Variants in MYL4 observed in about 807,000 individuals in gnomAD.
The protein encoded by MYL4 is myosin light chain 4, also known as atrial myosin light chain 1.
In MYL4, 16 loss-of-function variants were observed where a neutral mutation model predicts 21.6. The ratio of observed to expected loss-of-function variants is 0.74; its 90% CI spans 0.50 to 1.12. The LOEUF is 1.12. MYL4 is among the 50% of genes most tolerant of loss of function. MYL4 has a pLI of 0.00. For missense variants in MYL4, 249 were observed against 252.9 expected (o/e 0.98, Z 0.11); for synonymous variants, 82 against 95.7 (o/e 0.86, Z 0.83).
upstream of MYL4, among the ~76,000 whole-genome samples, chr17:47,205,153 A>G (rs2064722815): frequency 6.6e-6 from 1 of 152,202 alleles, no homozygotes; most frequent in Non-Finnish European, 1.5e-5. Context: ...CATCTGATGT[A>G]AACCGGTTGG....
At chr17:47,196,862 T>C (rs187289269), upstream of MYL4, among the ~76,000 whole-genome samples, 2 of 152,236 alleles carry the variant, frequency 1.3e-5, no homozygotes, top group Admixed American at 1.3e-4. Flanking sequence ...TGCACAAATA[T>C]TATAAAATAT....
chr17:47,195,420 G>A, the MYL4 span, among the ~76,000 whole-genome samples: 1 of 152,012 alleles, frequency 6.6e-6, no homozygotes, highest in Admixed American at 6.6e-5. Flanking sequence ...GTAGAGACGG[G>A]GTGTCTCCAT....
the MYL4 span, among the ~76,000 whole-genome samples, chr17:47,193,354 G>A: frequency 3.3e-5 from 5 of 151,676 alleles, no homozygotes; most frequent in Non-Finnish European, 7.4e-5. Context: ...TGCAGCCTCC[G>A]TCTCCTGGGT....
chr17:47,213,935 G>A (rs1187909576), intron 2 of MYL4, 109 bp downstream of exon 2: 1 of 1,293,010 alleles, frequency 7.7e-7, no homozygotes, highest in Non-Finnish European at 1.1e-6. Context: ...AGTAATCACT[G>A]TCATCATCAT....
intron 2 of MYL4, among the ~76,000 whole-genome samples, chr17:47,216,714 GAC>G (rs2064817732): frequency 7.3e-6 from 1 of 137,300 alleles, no homozygotes; most frequent in African/African-American, 2.8e-5. Flanking sequence ...TTTTTTTTGA[GAC>G]AGAGTTTTGC....
chr17:47,223,312 C>G lies in MYL4; in HGVS notation c.*16-197C>G, dbSNP rs993812483. The G allele has an allele frequency of 1.4e-4, 69 of 486,600 alleles. 2 individuals are homozygous for G. The highest frequency in any genetic ancestry group is 2.4e-4 in the Non-Finnish European group (67 of 274,164). 30.1% of individuals were successfully genotyped at this position (486,600 alleles called of 1,614,324 possible). A position where few individuals can be genotyped will look rare whatever the true frequency, so the allele number is the denominator to read the frequency against. On this transcript the variant is annotated intron_variant, in intron 6 of 6. Coordinates refer to ENST00000393450, the MANE Select transcript of MYL4 (RefSeq NM_002476.2). ...ATCTCTCAAGGCAATGCCCTTCCCT[C>G]AGGCCTGGGGCCTCCTGTACAGGCT...
At chr17:47,225,702 G>A (rs2064882480), downstream of MYL4, among the ~76,000 whole-genome samples, 1 of 152,220 alleles carries the variant, frequency 6.6e-6, no homozygotes, top group South Asian at 2.1e-4. Flanking sequence ...TGTTTTCCAA[G>A]CTTGGCTCTT....
chr17:47,194,620 A>C, the MYL4 span, among the ~76,000 whole-genome samples: 1 of 152,114 alleles, frequency 6.6e-6, no homozygotes, highest in Non-Finnish European at 1.5e-5. Flanking sequence ...ACCTCCAAAA[A>C]TAAGTCTGAT....
chr17:47,220,143 C>T (rs2036534937), intron 3 of MYL4, 90 bp downstream of exon 3: 2 of 1,428,808 alleles, frequency 1.4e-6, no homozygotes, highest in Non-Finnish European at 9.3e-7. Context: ...GCCATCTGCA[C>T]TCTCTCTTCT....
chr17:47,217,350 C>T (rs940548184), intron 2 of MYL4, among the ~76,000 whole-genome samples: 13 of 151,370 alleles, frequency 8.6e-5, no homozygotes, highest in South Asian at 4.2e-4. Context: ...CCCAGCTACT[C>T]GAGAGGCTGA....
chr17:47,222,897 A>C, intron 5 of MYL4, 117 bp from the exon 6 acceptor site: 2 of 1,267,554 alleles, frequency 1.6e-6, no homozygotes, highest in Admixed American at 3.5e-5. Flanking sequence ...GGAACTACAC[A>C]GTCTGGAGAA....
intron 2 of MYL4, among the ~76,000 whole-genome samples, chr17:47,218,053 A>AC (rs538079245): frequency 5.3e-5 from 8 of 151,668 alleles, no homozygotes; most frequent in Non-Finnish European, 1.2e-4. Context: ...AAAAAAAAAA[A>AC]AAAACAAAAA....
chr17:47,206,445 TGTGTGC>T (rs2064728721), upstream of MYL4, among the ~76,000 whole-genome samples: 1 of 152,188 alleles, frequency 6.6e-6, no homozygotes, highest in Admixed American at 6.5e-5. Flanking sequence ...TAACTTGTTG[TGTGTGC>T]GTGTGTGTTT....
chr17:47,220,402 A>C (rs1422608538), intron 3 of MYL4, among the ~76,000 whole-genome samples: 1 of 152,214 alleles, frequency 6.6e-6, no homozygotes, highest in Admixed American at 6.5e-5. Context: ...AGGAGCTCTC[A>C]GGAGGGGCAT....
intron 1 of MYL4, among the ~76,000 whole-genome samples, chr17:47,211,423 G>T (rs11079763): frequency 0.41 from 61,757 of 152,040 alleles, 12,925 homozygotes; most frequent in East Asian, 0.65. Context: ...TTCGAAGATA[G>T]AACAGAAGCA....
chr17:47,204,121 C>T (rs114201787), upstream of MYL4, among the ~76,000 whole-genome samples: 750 of 152,320 alleles, frequency 4.9e-3, 8 homozygotes, highest in African/African-American at 0.017. Flanking sequence ...TACCAACACC[C>T]GGACCACAGT....
upstream of MYL4, among the ~76,000 whole-genome samples, chr17:47,205,774 C>A (rs2064726339): frequency 6.6e-6 from 1 of 152,200 alleles, no homozygotes; most frequent in Non-Finnish European, 1.5e-5. Flanking sequence ...GCCCTAGAGA[C>A]TTGCCACATG....
At chr17:47,191,556 C>T in the MYL4 span, among the ~76,000 whole-genome samples, 20 of 152,258 alleles carry the variant, frequency 1.3e-4, no homozygotes, top group Admixed American at 7.2e-4. Flanking sequence ...CTGCGTCCTC[C>T]GCCTCCGGGG....
chr17:47,213,268 A>G (rs942818340), intron 1 of MYL4, among the ~76,000 whole-genome samples: 4 of 152,204 alleles, frequency 2.6e-5, no homozygotes, highest in African/African-American at 7.2e-5. Flanking sequence ...CCATCACTTA[A>G]TAAGCGGTAT....
Sources: allele counts gnomAD v4.1 joint callset (sites outside exome capture counted in the v4.1 genomes callset), GRCh38; gene constraint gnomAD v4.1.1; transcripts MANE v1.5; gene names NCBI Gene and HGNC (gene_info 2026-07-23, HGNC 2026-07-21).